MBD5: variants seen among roughly 807,000 people sequenced by gnomAD.
MBD5 encodes the protein methyl-CpG binding domain protein 5.
Under a neutral mutation model 117.3 loss-of-function variants are expected in MBD5, and 13 were observed. The observed-to-expected ratio is 0.11, with a 90% confidence interval of 0.07 to 0.18. MBD5 has a LOEUF of 0.18. MBD5 is among the 10% of genes least tolerant of loss of function. MBD5 has a pLI of 1.00. For synonymous variants in MBD5, 727 were observed against 766.4 expected, an observed-to-expected ratio of 0.95 and a Z score of 0.85; for missense variants, 1,879 against 2,093.8, an observed-to-expected ratio of 0.90 and a Z score of 2.00.
chr2:148,511,640 T>C (rs1682217120), intron 13 of MBD5, among the ~76,000 whole-genome samples: 1 of 137,894 alleles, frequency 7.3e-6, no homozygotes, highest in African/African-American at 3.4e-5. Context: ...CTAAACAAAA[T>C]ACCATTTCAG....
intron 2 of MBD5, among the ~76,000 whole-genome samples, chr2:148,204,562 A>G (rs984261811): frequency 3.9e-5 from 6 of 152,214 alleles, no homozygotes; most frequent in Non-Finnish European, 7.3e-5. Context: ...TGTACATTAA[A>G]CATGAAGAAA....
At chr2:148,336,542 A>G (rs1702794676) in intron 3 of MBD5, among the ~76,000 whole-genome samples, 1 of 151,940 alleles carries the variant, frequency 6.6e-6, no homozygotes, top group Non-Finnish European at 1.5e-5. Flanking sequence ...ATGCACCACC[A>G]CACGCGGCAA....
chr2:148,207,996 G>T (rs1699327674), intron 2 of MBD5, among the ~76,000 whole-genome samples: 1 of 152,110 alleles, frequency 6.6e-6, no homozygotes, highest in African/African-American at 2.4e-5. Context: ...CTAGGGGCCA[G>T]GAGTCTGAAA....
At chr2:148,279,748 A>G (rs1701197323) in intron 3 of MBD5, among the ~76,000 whole-genome samples, 1 of 152,106 alleles carries the variant, frequency 6.6e-6, no homozygotes, top group Non-Finnish European at 1.5e-5. Flanking sequence ...TAAGAAGTTA[A>G]TTTAATTTAT....
intron 3 of MBD5, among the ~76,000 whole-genome samples, chr2:148,279,813 G>A (rs1701198616): frequency 6.6e-6 from 1 of 151,882 alleles, no homozygotes; most frequent in Admixed American, 6.6e-5. Flanking sequence ...CTCTGTGTTG[G>A]ACAGGTGGAG....
chr2:148,174,715 T>A (rs576125788), intron 1 of MBD5, among the ~76,000 whole-genome samples: 1 of 151,920 alleles, frequency 6.6e-6, no homozygotes, highest in South Asian at 2.1e-4. Context: ...ACATTGCTAA[T>A]CATTCAGGAA....
intron 8 of MBD5, 70 bp downstream of exon 8, chr2:148,470,531 A>C: frequency 4.2e-6 from 5 of 1,193,628 alleles, no homozygotes; most frequent in Non-Finnish European, 5.8e-6. Flanking sequence ...ATTTGTACCA[A>C]AATATTTATT....
intron 4 of MBD5, among the ~76,000 whole-genome samples, chr2:148,423,545 AG>A (rs1392534077): frequency 6.6e-6 from 1 of 152,184 alleles, no homozygotes; most frequent in Non-Finnish European, 1.5e-5. Flanking sequence ...GAGCTCCTGA[AG>A]GAAGCACTAA....
intron 10 of MBD5, 138 bp from the exon 11 acceptor site, chr2:148,489,248 T>C: frequency 9.5e-7 from 1 of 1,055,476 alleles, no homozygotes. Context: ...TTATTTCATT[T>C]TTTGAGTCTT....
rs200561241 is a variant in MBD5, at chr2:148,468,875, A to C, written c.932A>C (p.Lys311Thr). 12 of 1,614,006 alleles carry C rather than the reference A, an allele frequency of 7.4e-6. No individual in the cohort carries two copies. The highest frequency in any genetic ancestry group is 1.0e-5 in the Non-Finnish European group (12 of 1,179,944). Reference protein sequence around the residue: ...PTLTTKSPVMKKPMCNFSTNM... With the variant: ...PTLTTKSPVMTKPMCNFSTNM... ...TTGACTACAAAGAGTCCAGTAATGA[A>C]AAAACCAATGTGTAATTTTTCAACT... Residue 311 changes from lysine (K) to threonine (T), a missense_variant, in exon 8 of 14, where the codon AAA becomes ACA. Physicochemically the swap from Lys to Thr is moderately conservative, Grantham distance 78. Transcript: ENST00000642680.
At position 148,458,802 on chromosome 2, in the gene MBD5, G is replaced by A. The variant is rs370657116; in HGVS notation, c.44G>A (p.Gly15Asp). ...KECDGGDKEG[G>D]LPAIQVPVGW... ...TGTGACGGAGGGGACAAGGAAGGAG[G>A]TCTTCCAGCTATACAAGTTCCTGTG... The change falls in exon 5 of 14, where the codon GGT becomes GAT. Residue 15 changes from glycine to aspartate, a missense_variant. Physicochemically the swap from Gly to Asp is moderately conservative, Grantham distance 94. This residue lies in a region of MBD5 where 71 missense variants were observed against 129.2 expected (regional missense o/e 0.55). Coordinates refer to ENST00000642680, the MANE Select transcript of MBD5 (RefSeq NM_001378120.1). 3 of 1,613,672 alleles carry A rather than the reference G, an allele frequency of 1.9e-6. No homozygotes were observed. The African/African-American group carries it at 4.0e-5, about 22-fold the overall frequency.
At chr2:148,210,933 T>C (rs1406882204) in intron 2 of MBD5, among the ~76,000 whole-genome samples, 2 of 152,084 alleles carry the variant, frequency 1.3e-5, no homozygotes, top group Non-Finnish European at 2.9e-5. Flanking sequence ...AAGAGAAGAT[T>C]ATGTGATTGT....
rs569673565 is a variant in MBD5, at chr2:148,288,399, C to CAAAAAAAA, written c.-679-53807_-679-53800dup. On this transcript the variant is annotated intron_variant, in intron 3 of 13. Transcript: ENST00000642680. ...TGGGCGACAGAGCGAGACTCCGTCT[C>CAAAAAAAA]AAAAAAAAAAAAAAAGTGATTTCTT... 3.4e-4 allele frequency among the ~76,000 whole-genome samples: 13 copies of CAAAAAAAA among 37,796 alleles called. 1 individual carries two copies. The highest frequency in any genetic ancestry group is 5.0e-3 in the East Asian group (2 of 398). 24.8% of individuals were successfully genotyped at this position (37,796 alleles called of 152,430 possible). A position where few individuals can be genotyped will look rare whatever the true frequency, so the allele number is the denominator to read the frequency against.
At chr2:148,071,274 A>ATGTGTGTG (rs1179749374) in intron 1 of MBD5, 2 of 134,942 alleles carry the variant, frequency 1.5e-5, no homozygotes, top group Non-Finnish European at 3.2e-5. Context: ...ATATATCTGT[A>ATGTGTGTG]TATGTGTGTG....
chr2:148,463,634 C>A, intron 6 of MBD5, 105 bp from the exon 7 acceptor site: 3 of 1,338,176 alleles, frequency 2.2e-6, no homozygotes. Flanking sequence ...AAGTTTTATT[C>A]AGATTTATGG....
chr2:148,053,910 C>CTTTTTTT (rs35830585), intron 1 of MBD5: 4 of 136,666 alleles, frequency 2.9e-5, no homozygotes, highest in Admixed American at 7.4e-5. Context: ...TTCTTTTTTT[C>CTTTTTTT]TTTTTTTTTT....
intron 1 of MBD5, among the ~76,000 whole-genome samples, chr2:148,036,134 A>C (rs1229125792): frequency 6.6e-6 from 1 of 152,080 alleles, no homozygotes; most frequent in Non-Finnish European, 1.5e-5. Flanking sequence ...TTATTGTTTT[A>C]CTTCTTGTTG....
intron 7 of MBD5, among the ~76,000 whole-genome samples, chr2:148,468,080 G>A (rs1037671729): frequency 6.6e-6 from 1 of 152,136 alleles, no homozygotes; most frequent in Non-Finnish European, 1.5e-5. Flanking sequence ...CAGATAAAGA[G>A]TAAATAAGCA....
intron 4 of MBD5, among the ~76,000 whole-genome samples, chr2:148,453,618 C>T (rs1317771844): frequency 6.6e-6 from 1 of 151,862 alleles, no homozygotes; most frequent in African/African-American, 2.4e-5. Context: ...CAAGGTGGGT[C>T]TTTGGGGAGG....
Sources: allele counts gnomAD v4.1 joint callset (sites outside exome capture counted in the v4.1 genomes callset), GRCh38; gene constraint gnomAD v4.1.1; regional missense constraint gnomAD v4.1.1; transcripts MANE v1.5; gene names NCBI Gene and HGNC (gene_info 2026-07-23, HGNC 2026-07-21).